RXRA: variants seen among roughly 807,000 people sequenced by gnomAD.
The protein encoded by RXRA is retinoic acid receptor RXR-alpha.
A neutral mutation model predicts 44.5 loss-of-function variants in RXRA; 5 were observed. That is an observed-to-expected ratio of 0.11 (90% CI 0.06 to 0.24). RXRA has a LOEUF of 0.24. Among genes scored for constraint, RXRA ranks in the 10% least tolerant of loss-of-function variants. The pLI, the probability that RXRA is intolerant of heterozygous loss-of-function variation, is 1.00. For synonymous variants in RXRA, 291 were observed against 271.4 expected, an observed-to-expected ratio of 1.07 and a Z score of -0.71; for missense variants, 412 against 646.5, an observed-to-expected ratio of 0.64 and a Z score of 3.93.
At chr9:134,326,995 C>T (rs76990528) in intron 1 of RXRA, among the ~76,000 whole-genome samples, 10,916 of 151,664 alleles carry the variant, frequency 0.072, 473 homozygotes, top group Middle Eastern at 0.12. Flanking sequence ...GGAACCCGGC[C>T]GGAGCGGGAG....
chr9:134,360,509 G>T (rs1440037216), intron 1 of RXRA, among the ~76,000 whole-genome samples: 1 of 152,222 alleles, frequency 6.6e-6, no homozygotes, highest in African/African-American at 2.4e-5. Flanking sequence ...CTGGTATCAG[G>T]AGACAGTGTG....
At chr9:134,409,245 AAGGC>A (rs1375173413) in intron 4 of RXRA, 126 bp downstream of exon 4, 1 of 1,000,980 alleles carries the variant, frequency 1.0e-6, no homozygotes, top group Non-Finnish European at 1.4e-6. Context: ...TGGCAAGGCC[AAGGC>A]AGGAGTGGGG....
At chr9:134,423,712 A>G (rs1446086152) in intron 6 of RXRA, 6 of 985,346 alleles carry the variant, frequency 6.1e-6, no homozygotes, top group Non-Finnish European at 7.2e-6. Flanking sequence ...CTTTCAGGGT[A>G]TGGTGAGTAT....
intron 1 of RXRA, among the ~76,000 whole-genome samples, chr9:134,363,451 A>G (rs959346715): frequency 3.9e-5 from 6 of 152,234 alleles, no homozygotes; most frequent in Non-Finnish European, 8.8e-5. Flanking sequence ...CCCAGCCCTC[A>G]TGGGCCTGGT....
At chr9:134,358,665 C>A (rs1314827668) in intron 1 of RXRA, among the ~76,000 whole-genome samples, 1 of 152,152 alleles carries the variant, frequency 6.6e-6, no homozygotes, top group Non-Finnish European at 1.5e-5. Flanking sequence ...GCCCTGCCCT[C>A]CCCTCCCCGC....
chr9:134,363,295 C>T (rs1456747002), intron 1 of RXRA, among the ~76,000 whole-genome samples: 2 of 152,216 alleles, frequency 1.3e-5, no homozygotes, highest in Non-Finnish European at 2.9e-5. Context: ...GTGGCAGGGC[C>T]GTCGGGCCTC....
chr9:134,368,560 T>A (rs1055073312), intron 1 of RXRA, among the ~76,000 whole-genome samples: 1 of 151,688 alleles, frequency 6.6e-6, no homozygotes, highest in Admixed American at 6.6e-5. Flanking sequence ...TGTGACTGTG[T>A]ATTTTGTATG....
intron 1 of RXRA, among the ~76,000 whole-genome samples, chr9:134,339,373 T>C (rs1830054132): frequency 6.6e-6 from 1 of 150,764 alleles, no homozygotes; most frequent in African/African-American, 2.4e-5. Context: ...CCAGGGTTTG[T>C]GCGCGTGAGC....
At chr9:134,339,837 CTGTG>C (rs10532880) in intron 1 of RXRA, among the ~76,000 whole-genome samples, 11 of 143,458 alleles carry the variant, frequency 7.7e-5, no homozygotes, top group African/African-American at 1.3e-4. Flanking sequence ...GTGTGTGAGT[CTGTG>C]TGTGTGTGAG....
intron 4 of RXRA, among the ~76,000 whole-genome samples, chr9:134,416,087 C>T (rs924019695): frequency 5.9e-5 from 9 of 152,050 alleles, no homozygotes; most frequent in African/African-American, 1.9e-4. Context: ...GGACGTGTCT[C>T]GGGGGAACCG....
At chr9:134,358,954 A>AT in intron 1 of RXRA, among the ~76,000 whole-genome samples, 1 of 152,270 alleles carries the variant, frequency 6.6e-6, no homozygotes, top group Middle Eastern at 3.4e-3. Context: ...GGGGATTTTC[A>AT]TTAAGCGTTG....
intron 8 of RXRA, among the ~76,000 whole-genome samples, chr9:134,432,803 G>A (rs189117012): frequency 6.6e-6 from 1 of 152,328 alleles, no homozygotes; most frequent in African/African-American, 2.4e-5. Flanking sequence ...GGCCAGGGGA[G>A]TGAGAGGCAC....
intron 6 of RXRA, chr9:134,425,820 G>T: frequency 1.3e-5 from 13 of 985,358 alleles, no homozygotes; most frequent in Non-Finnish European, 1.6e-5. Context: ...CTCTGGGGGG[G>T]CCCTGCCCTG....
At chr9:134,424,633 C>T in intron 6 of RXRA, 1 of 985,446 alleles carries the variant, frequency 1.0e-6, no homozygotes, top group African/African-American at 1.7e-5. Flanking sequence ...CAGGTGGTCT[C>T]CCCAAGCCCC....
Position 134,349,626 on chromosome 9 carries a change from AG to A in RXRA, c.28+22969del, listed in dbSNP as rs1436794435. Among the ~76,000 whole-genome samples, 2 of 152,192 alleles carry A rather than the reference AG, an allele frequency of 1.3e-5. No individual in the cohort carries two copies. Among genetic ancestry groups the A allele is most frequent in the Non-Finnish European group, 2.9e-5 (2 of 68,024 alleles). On this transcript the variant is annotated intron_variant, in intron 1 of 9. Transcript: ENST00000481739. This position sits in a 1 kb window ranked among gnomAD's most constrained non-coding sequence, Gnocchi z 4.3. ...GTGGCCCCCATGAGTGGGTGACATC[AG>A]GAGACCCCGCATCAGGCAAGGTTAC...
At chr9:134,356,281 G>C (rs766782026) in intron 1 of RXRA, among the ~76,000 whole-genome samples, 3 of 152,150 alleles carry the variant, frequency 2.0e-5, no homozygotes, top group Non-Finnish European at 4.4e-5. Context: ...TGGGGCCTTG[G>C]GTAGGTCACC....
chr9:134,341,583 G>T (rs2119027817), intron 1 of RXRA, among the ~76,000 whole-genome samples: 1 of 152,344 alleles, frequency 6.6e-6, no homozygotes, highest in South Asian at 2.1e-4. Context: ...CCGGCTTCCT[G>T]GCCCAGGCCA....
At chr9:134,344,675 G>T (rs149463758) in intron 1 of RXRA, among the ~76,000 whole-genome samples, 141 of 152,286 alleles carry the variant, frequency 9.3e-4, no homozygotes, top group African/African-American at 3.3e-3. Flanking sequence ...CCCCAGGGTG[G>T]AGTTCTCACT....
At chr9:134,364,897 G>A (rs1830394991) in intron 1 of RXRA, among the ~76,000 whole-genome samples, 1 of 152,196 alleles carries the variant, frequency 6.6e-6, no homozygotes, top group African/African-American at 2.4e-5. Flanking sequence ...TGGCCTCTCG[G>A]CCCCTAGCTC....
Sources: gnomAD v4.1 joint callset for allele counts (sites outside exome capture counted in the v4.1 genomes callset) on GRCh38, gnomAD v4.1.1 for gene constraint, Gnocchi (gnomAD v3.1) non-coding constraint, MANE v1.5 for transcripts, NCBI Gene and HGNC (gene_info 2026-07-23, HGNC 2026-07-21) for gene names.